FN1: variants seen among roughly 807,000 people sequenced by gnomAD.
FN1 encodes fibronectin 1, also known as fibronectin.
A neutral mutation model predicts 297.3 loss-of-function variants in FN1; 106 were observed. The observed-to-expected ratio is 0.36, with a 90% CI of 0.30 to 0.42. The LOEUF (loss-of-function observed/expected upper bound fraction) is 0.42, where lower values mean the gene tolerates loss of function less well. Among genes scored for constraint, FN1 ranks in the 10% least tolerant of loss-of-function variants. The pLI, the probability that FN1 is intolerant of heterozygous loss-of-function variation, is 1.00. For synonymous variants in FN1, 1,149 were observed against 1,152.6 expected (o/e 1.00, Z 0.06); for missense variants, 2,690 against 3,124.9 (o/e 0.86, Z 3.32).
At position 215,399,314 on chromosome 2, in the gene FN1, C is replaced by T. The variant is rs1210558040; in HGVS notation, c.3291G>A (p.Glu1097=). 2 of 1,614,018 alleles carry T rather than the reference C, an allele frequency of 1.2e-6. No homozygotes were observed. The highest frequency in any genetic ancestry group is 1.7e-6 in the Non-Finnish European group (2 of 1,179,932). ...TGATCACAATGGTGGTCTCAGTCAC[C>T]TCGGTGTTGTAAGGTGGAATAGAGC... The part of the protein sequence containing the change: ...PGSSIPPYNT[E]VTETTIVITW... The change falls in exon 21 of 46, where the codon GAG becomes GAA. Residue 1097 remains glutamate (E), a synonymous_variant. Transcript: ENST00000354785.
chr2:215,364,066 T>C (rs951799887), intron 44 of FN1, among the ~76,000 whole-genome samples: 16 of 152,254 alleles, frequency 1.1e-4, no homozygotes, highest in Admixed American at 1.3e-4. Flanking sequence ...CATGCTTCTC[T>C]TTCTTGCTAA....
At chr2:215,412,506 G>T (rs1276155072) in intron 13 of FN1, among the ~76,000 whole-genome samples, 1 of 151,996 alleles carries the variant, frequency 6.6e-6, no homozygotes, top group Non-Finnish European at 1.5e-5. Context: ...GTGCCATCTT[G>T]GCTCACTGCA....
At chr2:215,364,643 C>G (rs2054169442) in intron 44 of FN1, 1 of 575,542 alleles carries the variant, frequency 1.7e-6, no homozygotes, top group Non-Finnish European at 3.1e-6. Context: ...GTTTTTGGTA[C>G]TCTACATGCC....
At position 215,370,279 on chromosome 2, in the gene FN1, T is replaced by C; in HGVS notation, c.6853+15A>G. 1.2e-6 allele frequency: 2 copies of C among 1,613,734 alleles called. No homozygotes were observed. Among genetic ancestry groups the C allele is most frequent in the South Asian group, 1.1e-5 (1 of 91,068 alleles). On this transcript the variant is annotated intron_variant, in intron 41 of 45. Coordinates refer to ENST00000354785, the MANE Select transcript of FN1 (RefSeq NM_212482.4). ...CAGAGGGGAGCCTGTGTCTAAATAG[T>C]ACGTGTTTACATACCAGAGTTGCCC...
At position 215,397,215 on chromosome 2, in the gene FN1, G is replaced by A; in HGVS notation, c.3526C>T (p.Pro1176Ser). 1 of 1,611,938 alleles carries A rather than the reference G, an allele frequency of 6.2e-7. No homozygotes were observed. The highest frequency in any genetic ancestry group is 8.5e-7 in the Non-Finnish European group (1 of 1,178,076). The change falls in exon 23 of 46, where the codon CCA becomes TCA. Residue 1176 changes from proline (P) to serine (S), a missense_variant. This residue lies in a region of FN1 where 1,743 missense variants were observed against 1,945.2 expected (regional missense o/e 0.90). Transcript: ENST00000354785. ...IVNKVVTPLS[P>S]PTNLHLEANP... The stretch of plus-strand genomic sequence containing the variant: ...GCCTCCAGATGCAAGTTTGTTGGTG[G>A]AGACAATGCTATGCAGAAAGAACAT...
Position 215,408,561 on chromosome 2 carries a change from A to G in FN1, c.2300-135T>C, listed in dbSNP as rs575260562. 4.0e-5 allele frequency: 33 copies of G among 816,842 alleles called. No individual in the cohort carries two copies. The African/African-American group carries it at 5.1e-4, about 13-fold the overall frequency. The allele number at this position is 816,842 out of a possible 1,614,324, so 50.6% of individuals were successfully genotyped here. ...ACTAGAAGGTAATGTGCTAATAGCTAATCAGTGATTATTATTATTATTTTT... is the reference window on the plus strand; with the variant it reads ...ACTAGAAGGTAATGTGCTAATAGCTGATCAGTGATTATTATTATTATTTTT... On this transcript the variant is annotated intron_variant, in intron 15 of 45. Transcript: ENST00000354785.
chr2:215,415,423 G>A (rs1214692167), intron 12 of FN1, among the ~76,000 whole-genome samples: 1 of 152,070 alleles, frequency 6.6e-6, no homozygotes. Context: ...CATTCCAAAG[G>A]CCATATGAGA....
At chr2:215,373,765 C>T (rs150708165) in intron 38 of FN1, among the ~76,000 whole-genome samples, 65 of 150,286 alleles carry the variant, frequency 4.3e-4, no homozygotes, top group African/African-American at 1.4e-3. Context: ...CTGCAAGCTC[C>T]GCTTCCCAGG....
chr2:215,388,425 A>AAGTGAAGTGTTC, intron 26 of FN1, 124 bp from the exon 27 acceptor site: 1 of 742,442 alleles, frequency 1.3e-6, no homozygotes, highest in Non-Finnish European at 2.4e-6. Flanking sequence ...ACTTACACCT[A>AAGTGAAGTGTTC]AGTGAACACT....
At chr2:215,420,984 G>A in intron 10 of FN1, 183 bp from the exon 11 acceptor site, 2 of 638,418 alleles carry the variant, frequency 3.1e-6, no homozygotes, top group Non-Finnish European at 5.3e-6. Flanking sequence ...TACAATTTTT[G>A]CCAAAAAAAT....
intron 28 of FN1, among the ~76,000 whole-genome samples, chr2:215,385,274 A>G (rs1470259176): frequency 6.7e-6 from 1 of 150,362 alleles, no homozygotes; most frequent in Non-Finnish European, 1.5e-5. Context: ...AAAAAAAGTG[A>G]TACAAGGCCG....
intron 25 of FN1, chr2:215,392,690 G>A (rs1192575571): frequency 3.6e-6 from 2 of 557,726 alleles, no homozygotes; most frequent in African/African-American, 3.8e-5. Flanking sequence ...GCAGACATCT[G>A]TATTTCTCTA....
intron 28 of FN1, among the ~76,000 whole-genome samples, chr2:215,386,329 G>T (rs1306442487): frequency 6.6e-6 from 1 of 151,776 alleles, no homozygotes; most frequent in Non-Finnish European, 1.5e-5. Flanking sequence ...TGCCCATTTC[G>T]GCCTCCCAAA....
chr2:215,371,393 A>AGTGGGGTTC (rs970425649), intron 40 of FN1, among the ~76,000 whole-genome samples: 1 of 151,020 alleles, frequency 6.6e-6, no homozygotes, highest in African/African-American at 2.4e-5. Context: ...TGTTGTAGAT[A>AGTGGGGTTC]GTGGGGTTCT....
At chr2:215,411,688 T>C (rs2062658817) in intron 13 of FN1, among the ~76,000 whole-genome samples, 1 of 146,004 alleles carries the variant, frequency 6.8e-6, no homozygotes, top group East Asian at 2.0e-4. Flanking sequence ...TTTTTTGAGA[T>C]GGAGTTTCGC....
chr2:215,362,391 T>C, intron 44 of FN1: 1 of 373,446 alleles, frequency 2.7e-6, no homozygotes, highest in Non-Finnish European at 5.0e-6. Flanking sequence ...ACAAGTTCTC[T>C]GCACTAGATG....
rs374440971 is a variant in FN1, at chr2:215,431,939, G to C, written c.441C>G (p.Ser147=). The change falls in exon 4 of 46, where the codon TCC becomes TCG. Residue 147 remains serine, a synonymous_variant. Coordinates refer to ENST00000354785, the MANE Select transcript of FN1 (RefSeq NM_212482.4). ...IANRCHEGGQ[S]YKIGDTWRRP... ...TCCTCCAGGTGTCACCAATCTTGTAGGACTGACCCCCTTCATGGCAGCGGT... is the reference window on the plus strand; with the variant it reads ...TCCTCCAGGTGTCACCAATCTTGTACGACTGACCCCCTTCATGGCAGCGGT... 4.3e-6 allele frequency: 7 copies of C among 1,614,016 alleles called. No homozygotes were observed. The highest frequency in any genetic ancestry group is 5.9e-6 in the Non-Finnish European group (7 of 1,180,016).
rs557603355 is a variant in FN1, at chr2:215,434,398, T to C, written c.277+298A>G. 0.032 allele frequency among the ~76,000 whole-genome samples: 3,883 copies of C among 122,928 alleles called. 184 individuals carry two copies. The highest frequency in any genetic ancestry group is 0.1 in the African/African-American group (3,666 of 34,922). The allele number at this position is 122,928 out of a possible 152,430, so 80.6% of individuals were successfully genotyped here. A position where few individuals can be genotyped will look rare whatever the true frequency, so the allele number is the denominator to read the frequency against. On this transcript the variant is annotated intron_variant, in intron 2 of 45. Transcript: ENST00000354785. Reference sequence around the variant, plus strand: ...AGACTGCTTTCTAATAAATTAAAATTTTATAAGCAATTTTTTTTGTCGGAG... The same window carrying C: ...AGACTGCTTTCTAATAAATTAAAATCTTATAAGCAATTTTTTTTGTCGGAG...
In FN1 at chr2:215,406,390, T is replaced by C. The variant is rs570177360; in HGVS notation, c.2834A>G (p.Asn945Ser). ...CCTCTGCCCGTGCTCGCCAGGCAGG[T>C]TGACGGGGATCACATCCACACGGTA... ...TGYRVDVIPV[N>S]LPGEHGQRLP... Residue 945 changes from asparagine to serine, a missense_variant, in exon 19 of 46, where the codon AAC (asparagine) becomes AGC (serine). Around this residue, in one of 3 missense-constraint regions of FN1, gnomAD observed 1,743 missense variants for 1,945.2 expected, o/e 0.90. Coordinates refer to ENST00000354785, the MANE Select transcript of FN1 (RefSeq NM_212482.4). 5 of 1,614,190 alleles carry C rather than the reference T, an allele frequency of 3.1e-6. No individual in the cohort carries two copies. The highest frequency in any genetic ancestry group is 4.2e-6 in the Non-Finnish European group (5 of 1,180,036).
Sources: allele counts gnomAD v4.1 joint callset (sites outside exome capture counted in the v4.1 genomes callset), GRCh38; gene constraint gnomAD v4.1.1; regional missense constraint gnomAD v4.1.1; transcripts MANE v1.5; gene names NCBI Gene and HGNC (gene_info 2026-07-23, HGNC 2026-07-21).